The following CSMD1 variants were observed in gnomAD, a reference collection of about 807,000 sequenced individuals.
The protein encoded by CSMD1 is CUB and sushi domain-containing protein 1.
In CSMD1, 213 loss-of-function variants were observed where a neutral mutation model predicts 417.5. The ratio of observed to expected loss-of-function variants is 0.51; its 90% CI spans 0.46 to 0.57. The LOEUF is 0.57. CSMD1 is among the 20% of genes least tolerant of loss of function. CSMD1 has a pLI of 0.00. For synonymous variants in CSMD1, 2,862 were observed against 1,736.8 expected (o/e 1.65, Z -16.11); for missense variants, 6,923 against 4,529.7 (o/e 1.53, Z -15.17).
At chr8:3,300,196 T>C (rs1453989600) in intron 25 of CSMD1, among the ~76,000 whole-genome samples, 1 of 152,158 alleles carries the variant, frequency 6.6e-6, no homozygotes, top group Non-Finnish European at 1.5e-5. Flanking sequence ...TAACTCAAAA[T>C]AAATGTTCAG....
At chr8:3,321,813 G>A (rs558886171) in intron 23 of CSMD1, among the ~76,000 whole-genome samples, 7 of 152,238 alleles carry the variant, frequency 4.6e-5, no homozygotes, top group Admixed American at 1.3e-4. Context: ...TTTCAAAATC[G>A]TGAAAATAAA....
intron 15 of CSMD1, among the ~76,000 whole-genome samples, chr8:3,404,743 T>C (rs1391840758): frequency 6.6e-6 from 1 of 151,960 alleles, no homozygotes; most frequent in East Asian, 1.9e-4. Flanking sequence ...AAAGTTATTA[T>C]CATGAGATAT....
At chr8:4,422,680 G>T (rs944169024) in intron 2 of CSMD1, among the ~76,000 whole-genome samples, 1 of 151,904 alleles carries the variant, frequency 6.6e-6, no homozygotes, top group African/African-American at 2.4e-5. Flanking sequence ...GTTTGTTATG[G>T]CAGCCTAAAG....
chr8:3,784,418 T>C (rs1384267402), intron 5 of CSMD1, among the ~76,000 whole-genome samples: 2 of 152,234 alleles, frequency 1.3e-5, no homozygotes, highest in East Asian at 1.9e-4. Context: ...GTTAGTATTA[T>C]GCTGTTTGGC....
chr8:3,567,854 T>C (rs1585382685), intron 10 of CSMD1, among the ~76,000 whole-genome samples: 2 of 152,116 alleles, frequency 1.3e-5, no homozygotes, highest in South Asian at 4.1e-4. Context: ...TGCTTTCTCA[T>C]TATATAGTTG....
At chr8:3,926,342 A>C (rs1009930122) in intron 5 of CSMD1, among the ~76,000 whole-genome samples, 3 of 151,570 alleles carry the variant, frequency 2.0e-5, no homozygotes, top group African/African-American at 7.3e-5. Context: ...TATTTATTTT[A>C]TCTTATCTTA....
chr8:4,090,815 T>G (rs1019417887), intron 3 of CSMD1, among the ~76,000 whole-genome samples: 1 of 152,234 alleles, frequency 6.6e-6, no homozygotes, highest in Non-Finnish European at 1.5e-5. Context: ...ATATATTCTT[T>G]AAGTCGAATG....
chr8:3,276,424 C>T (rs143247518), intron 26 of CSMD1, among the ~76,000 whole-genome samples: 30 of 152,322 alleles, frequency 2.0e-4, no homozygotes, highest in Middle Eastern at 3.4e-3. Context: ...GCTTCTCCGA[C>T]TGCAAGTCAC....
At chr8:3,614,405 C>A (rs1429419131) in intron 8 of CSMD1, among the ~76,000 whole-genome samples, 1 of 152,014 alleles carries the variant, frequency 6.6e-6, no homozygotes, top group Non-Finnish European at 1.5e-5. Flanking sequence ...TGAATTTAAA[C>A]CTCTTCTTCA....
intron 7 of CSMD1, among the ~76,000 whole-genome samples, chr8:3,649,633 C>A (rs974838214): frequency 1.3e-5 from 2 of 152,138 alleles, no homozygotes; most frequent in African/African-American, 2.4e-5. Flanking sequence ...ATCATGAGAA[C>A]AGCACGGAGA....
intron 50 of CSMD1, among the ~76,000 whole-genome samples, chr8:3,048,436 A>C (rs1394635906): frequency 6.6e-6 from 1 of 152,174 alleles, no homozygotes; most frequent in Non-Finnish European, 1.5e-5. Flanking sequence ...ACCCACATAA[A>C]TCTAGTCAAT....
intron 3 of CSMD1, among the ~76,000 whole-genome samples, chr8:4,302,555 G>A (rs958911600): frequency 6.6e-6 from 1 of 152,058 alleles, no homozygotes; most frequent in Non-Finnish European, 1.5e-5. Context: ...TGAAAGTCAG[G>A]TTTCCGCCTC....
intron 2 of CSMD1, among the ~76,000 whole-genome samples, chr8:4,489,714 C>G (rs1154088): frequency 6.6e-6 from 1 of 152,004 alleles, no homozygotes; most frequent in African/African-American, 2.4e-5. Flanking sequence ...ACCCTCCCTG[C>G]TCACACCCTG....
At chr8:3,993,914 C>T (rs908963236) in intron 5 of CSMD1, among the ~76,000 whole-genome samples, 4 of 152,244 alleles carry the variant, frequency 2.6e-5, no homozygotes, top group African/African-American at 7.2e-5. Context: ...CACGTGGAAA[C>T]GTGCAGCTGA....
chr8:4,920,003 T>C (rs1026677230), intron 1 of CSMD1, among the ~76,000 whole-genome samples: 13 of 152,172 alleles, frequency 8.5e-5, no homozygotes, highest in Admixed American at 3.3e-4. Context: ...TACATTTCTG[T>C]TCTCTATCAG....
At chr8:4,056,026 C>G (rs1213464471) in intron 3 of CSMD1, among the ~76,000 whole-genome samples, 3 of 151,052 alleles carry the variant, frequency 2.0e-5, no homozygotes, top group African/African-American at 7.3e-5. Flanking sequence ...CAGATTTCCT[C>G]CTGGGAAAAT....
chr8:3,344,610 GT>G (rs1807868612), intron 22 of CSMD1, among the ~76,000 whole-genome samples: 1 of 152,126 alleles, frequency 6.6e-6, no homozygotes, highest in South Asian at 2.1e-4. Flanking sequence ...AAAATGTTCA[GT>G]TTGTCTTAAT....
At chr8:4,106,786 C>G (rs774648882) in intron 3 of CSMD1, among the ~76,000 whole-genome samples, 7 of 152,062 alleles carry the variant, frequency 4.6e-5, no homozygotes, top group Non-Finnish European at 1.0e-4. Context: ...CAGTGGCTGA[C>G]GGCGATGGTC....
At chr8:3,957,327 A>T (rs757177250) in intron 5 of CSMD1, among the ~76,000 whole-genome samples, 5 of 152,174 alleles carry the variant, frequency 3.3e-5, no homozygotes, top group Non-Finnish European at 1.5e-5. Context: ...CTTTCATTCA[A>T]CAAATATTTA....
Sources: gnomAD v4.1 joint callset for allele counts (sites outside exome capture counted in the v4.1 genomes callset) on GRCh38, gnomAD v4.1.1 for gene constraint, MANE v1.5 for transcripts, NCBI Gene and HGNC (gene_info 2026-07-23, HGNC 2026-07-21) for gene names.